Variants in ESYT2 observed in about 807,000 individuals in gnomAD.
ESYT2 encodes the protein extended synaptotagmin-2.
A neutral mutation model predicts 107.2 loss-of-function variants in ESYT2; 54 were observed. The ratio of observed to expected loss-of-function variants is 0.50; its 90% CI spans 0.40 to 0.63. The LOEUF (loss-of-function observed/expected upper bound fraction) is 0.63. Ranked by LOEUF, ESYT2 falls within the 30% of genes least tolerant of loss-of-function variation. The probability of loss-of-function intolerance (pLI) is 0.00; values close to 1 mark genes in which losing one functional copy is unlikely to be tolerated. For synonymous variants in ESYT2, 491 were observed against 434.1 expected, an observed-to-expected ratio of 1.13 and a Z score of -1.63; for missense variants, 1,020 against 1,094.5, an observed-to-expected ratio of 0.93 and a Z score of 0.96.
intron 6 of ESYT2, 74 bp downstream of exon 6, chr7:158,787,930 T>G (rs1408432304): frequency 7.9e-7 from 1 of 1,261,162 alleles, no homozygotes; most frequent in African/African-American, 1.5e-5. Context: ...GTTTCTCCAC[T>G]TTATATATTC....
chr7:158,734,426 G>A lies in ESYT2; in HGVS notation c.2551C>T (p.Gln851Ter). Residue 851 changes from glutamine to a stop codon, truncating the protein, a stop_gained, in exon 22 of 23, where the codon CAG (glutamine) becomes TAG (stop). Transcript: ENST00000275418. LOFTEE classifies it high-confidence loss of function. ...ASEELAKGWTQWYDLTEDGTR... is the reference protein window; with the variant it reads ...ASEELAKGWT ...GTCTGCAGCAGGGACACTCACCACT[G>A]GGTCCAGCCTTTGGCAAGTTCTTCA... 1.9e-6 allele frequency: 3 copies of A among 1,613,906 alleles called. No homozygotes were observed. Among genetic ancestry groups the A allele is most frequent in the Non-Finnish European group, 2.5e-6 (3 of 1,179,882 alleles).
chr7:158,827,052 A>G (rs751173635), intron 1 of ESYT2, among the ~76,000 whole-genome samples: 2 of 150,588 alleles, frequency 1.3e-5, no homozygotes, highest in African/African-American at 2.5e-5. Flanking sequence ...AATCCCAGCT[A>G]CTCGGGAGGC....
In ESYT2 at chr7:158,790,044, C is replaced by T. The variant is rs74888677; in HGVS notation, c.585-1627G>A. The stretch of plus-strand genomic sequence containing the variant: ...CCAGTGGGGAGAGTCCTCCTGGGGG[C>T]GGAGCGTCCTCCTGGGGGCGGAGCG... On this transcript the variant is annotated intron_variant, in intron 4 of 22. Transcript: ENST00000275418. Among the ~76,000 whole-genome samples the T allele has an allele frequency of 0.014, 1,584 of 117,258 alleles. 48 individuals are homozygous for T. In the East Asian group the frequency reaches 0.28, roughly 21 times the overall value. 76.9% of individuals were successfully genotyped at this position (117,258 alleles called of 152,430 possible).
intron 20 of ESYT2, among the ~76,000 whole-genome samples, chr7:158,736,500 TAGG>T (rs773089204): frequency 2.4e-4 from 37 of 152,118 alleles, no homozygotes; most frequent in Admixed American, 3.9e-4. Flanking sequence ...GAGACCCTCC[TAGG>T]AGGTCACCAA....
chr7:158,791,527 T>G (rs964374293), intron 4 of ESYT2, among the ~76,000 whole-genome samples: 2 of 152,210 alleles, frequency 1.3e-5, no homozygotes, highest in African/African-American at 4.8e-5. Context: ...CATTTCACAT[T>G]TCTACCAACA....
chr7:158,788,218 G>T, intron 5 of ESYT2, 125 bp from the exon 6 acceptor site: 1 of 1,149,660 alleles, frequency 8.7e-7, no homozygotes, highest in Non-Finnish European at 1.3e-6. Context: ...TCTCAACTAT[G>T]ACCTACAGCT....
intron 15 of ESYT2, among the ~76,000 whole-genome samples, chr7:158,749,176 G>A (rs112041870): frequency 4.6e-5 from 7 of 150,858 alleles, no homozygotes; most frequent in Admixed American, 1.3e-4. Flanking sequence ...GTGCAATCTC[G>A]GCTCACTGCA....
In ESYT2 at chr7:158,829,151, G is replaced by A. The variant is rs535863667; in HGVS notation, c.268C>T (p.Leu90=). 1.9e-4 allele frequency: 301 copies of A among 1,559,886 alleles called. 4 individuals carry two copies. In the South Asian group the frequency reaches 3.1e-3, roughly 16 times the overall value. ...ACGACGCGCTCCTCGTCTTCCAGCA[G>A]CGCCAGCGCGCGGCACAGGCGCAGG... ...KALRLCRALA[L]LEDEERVVRL... The change falls in exon 1 of 23, where the codon CTG becomes TTG. Residue 90 remains leucine (L), a synonymous_variant. Transcript: ENST00000275418.
chr7:158,822,024 C>G (rs1416252276), intron 1 of ESYT2, among the ~76,000 whole-genome samples: 3 of 152,146 alleles, frequency 2.0e-5, no homozygotes, highest in Admixed American at 1.3e-4. Context: ...TCTAACTACT[C>G]TGAGCAGAGT....
At chr7:158,800,054 A>ATTT (rs34029280) in intron 1 of ESYT2, among the ~76,000 whole-genome samples, 11 of 145,306 alleles carry the variant, frequency 7.6e-5, no homozygotes, top group African/African-American at 1.5e-4. Flanking sequence ...TGGCCTCTTA[A>ATTT]TTTTTTTTTT....
chr7:158,769,036 G>T (rs966717319), intron 7 of ESYT2, among the ~76,000 whole-genome samples: 1 of 152,050 alleles, frequency 6.6e-6, no homozygotes. Flanking sequence ...CTTCTCGCCC[G>T]TAATGTTTTA....
chr7:158,761,625 T>C (rs1837967076), intron 10 of ESYT2, 81 bp from the exon 11 acceptor site: 31 of 1,291,368 alleles, frequency 2.4e-5, no homozygotes, highest in Non-Finnish European at 3.2e-5. Context: ...AGAAAACACA[T>C]TTCTTCCTGA....
chr7:158,739,796 C>G (rs906253780), intron 18 of ESYT2, among the ~76,000 whole-genome samples: 10 of 140,476 alleles, frequency 7.1e-5, no homozygotes, highest in Non-Finnish European at 1.5e-4. Flanking sequence ...ATTTATACCC[C>G]CCCCTTCGCA....
At chr7:158,772,694 G>A (rs1404970392) in intron 7 of ESYT2, among the ~76,000 whole-genome samples, 1 of 152,058 alleles carries the variant, frequency 6.6e-6, no homozygotes. Flanking sequence ...AAGCAGGGAT[G>A]CACCCTCCAG....
intron 1 of ESYT2, among the ~76,000 whole-genome samples, chr7:158,814,291 A>C (rs868654546): frequency 0.029 from 114 of 3,924 alleles, 3 homozygotes; most frequent in Non-Finnish European, 0.066. Context: ...AAAAAATTAT[A>C]TATATATATA....
intron 1 of ESYT2, among the ~76,000 whole-genome samples, chr7:158,828,697 C>A (rs1840528809): frequency 6.6e-6 from 1 of 152,160 alleles, no homozygotes. Context: ...AGGGCGGGAG[C>A]GGCGAGCAGC....
At chr7:158,778,573 T>C (rs1196894222) in intron 6 of ESYT2, among the ~76,000 whole-genome samples, 1 of 152,100 alleles carries the variant, frequency 6.6e-6, no homozygotes. Flanking sequence ...TCACGTTCCA[T>C]ACTATTATTC....
intron 6 of ESYT2, among the ~76,000 whole-genome samples, chr7:158,774,162 A>T (rs1446819784): frequency 6.6e-6 from 1 of 152,238 alleles, no homozygotes; most frequent in Non-Finnish European, 1.5e-5. Flanking sequence ...TTCTAAGTAA[A>T]ATTGCATGAT....
intron 1 of ESYT2, among the ~76,000 whole-genome samples, chr7:158,812,183 C>T (rs1466060375): frequency 6.6e-6 from 1 of 152,198 alleles, no homozygotes; most frequent in Non-Finnish European, 1.5e-5. Flanking sequence ...ACGGGGGAGC[C>T]CCTCTGGAGG....
Sources: gnomAD v4.1 joint callset for allele counts (sites outside exome capture counted in the v4.1 genomes callset) on GRCh38, gnomAD v4.1.1 for gene constraint, MANE v1.5 for transcripts, NCBI Gene and HGNC (gene_info 2026-07-23, HGNC 2026-07-21) for gene names.